CNDP1: variants seen among roughly 807,000 people sequenced by gnomAD.
CNDP1 encodes carnosine dipeptidase 1.
A neutral mutation model predicts 58.1 loss-of-function variants in CNDP1; 44 were observed. That is an observed-to-expected ratio of 0.76 (90% confidence interval 0.60 to 0.97). The LOEUF is 0.97. Among genes scored for constraint, CNDP1 ranks in the 50% least tolerant of loss-of-function variants. The pLI is 0.00. For missense variants in CNDP1, 616 were observed against 655.1 expected (o/e 0.94, Z 0.65); for synonymous variants, 254 against 252.6 (o/e 1.01, Z -0.05).
chr18:74,564,997 T>G (rs968952774), intron 5 of CNDP1, among the ~76,000 whole-genome samples: 1 of 152,198 alleles, frequency 6.6e-6, no homozygotes, highest in Non-Finnish European at 1.5e-5. Flanking sequence ...TTAATTGGAC[T>G]TACAGTTCCA....
intron 1 of CNDP1, among the ~76,000 whole-genome samples, chr18:74,540,627 G>T (rs1000691839): frequency 1.3e-5 from 2 of 152,188 alleles, no homozygotes; most frequent in African/African-American, 4.8e-5. Flanking sequence ...ATGTGTGGGG[G>T]TGTAACCTAC....
chr18:74,559,549 A>G, intron 3 of CNDP1, 77 bp downstream of exon 3: 1 of 1,409,482 alleles, frequency 7.1e-7, no homozygotes, highest in African/African-American at 1.4e-5. Context: ...GTGGCAAGGG[A>G]GAGGCTCACC....
intron 1 of CNDP1, among the ~76,000 whole-genome samples, chr18:74,547,144 G>T (rs1189235395): frequency 1.3e-5 from 2 of 152,156 alleles, no homozygotes; most frequent in South Asian, 4.1e-4. Flanking sequence ...ACCCATTTTT[G>T]TTGTTTGTTT....
chr18:74,584,415 T>C (rs556906589), intron 11 of CNDP1, 81 bp from the exon 12 acceptor site: 8 of 938,834 alleles, frequency 8.5e-6, no homozygotes, highest in African/African-American at 8.1e-5. Context: ...CAAATCTTCC[T>C]GTCTAAATGA....
chr18:74,554,879 T>C (rs1211344166), intron 1 of CNDP1, among the ~76,000 whole-genome samples: 1 of 152,132 alleles, frequency 6.6e-6, no homozygotes. Context: ...AATGACAGAA[T>C]GAAAAGTGAA....
intron 1 of CNDP1, among the ~76,000 whole-genome samples, chr18:74,541,800 C>T (rs145543481): frequency 1.5e-4 from 23 of 152,326 alleles, no homozygotes; most frequent in East Asian, 1.4e-3. Context: ...CTCTTTCAAG[C>T]GGTTACAATC....
At chr18:74,567,855 A>C (rs116487429) in intron 6 of CNDP1, among the ~76,000 whole-genome samples, 318 of 152,340 alleles carry the variant, frequency 2.1e-3, no homozygotes, top group Middle Eastern at 6.8e-3. Flanking sequence ...CCGTGGTCAC[A>C]GGGAAAGAGA....
Position 74,534,539 on chromosome 18 carries a change from C to CCGGGGGACAACGTGGGT in CNDP1, c.-127_-111dup. The CCGGGGGACAACGTGGGT allele has an allele frequency of 1.1e-6, 1 of 939,472 alleles. No individual in the cohort carries two copies. Among genetic ancestry groups the CCGGGGGACAACGTGGGT allele is most frequent in the Admixed American group, 2.0e-5 (1 of 49,406 alleles). The allele number at this position is 939,472 out of a possible 1,614,324, so 58.2% of individuals were successfully genotyped here. A position where few individuals can be genotyped will look rare whatever the true frequency, so the allele number is the denominator to read the frequency against. ...CCACTATACCAGCCTCGTCTTCCTT[C>CCGGGGGACAACGTGGGT]CGGGGGACAACGTGGGTCAGGGCAC... On this transcript the variant is annotated 5_prime_UTR_variant, in exon 1 of 12. Coordinates refer to ENST00000358821, the MANE Select transcript of CNDP1 (RefSeq NM_032649.6).
intron 7 of CNDP1, among the ~76,000 whole-genome samples, chr18:74,572,790 C>CAAAAAAAAAAAAAAAAAAAGAAA (rs1981513303): frequency 1.7e-5 from 1 of 60,068 alleles, no homozygotes; most frequent in Non-Finnish European, 3.0e-5. Flanking sequence ...GACCCTGTAT[C>CAAAAAAAAAAAAAAAAAAAGAAA]AAAAAAAAAA....
At chr18:74,556,498 G>A (rs1177245182) in intron 2 of CNDP1, 32 bp downstream of exon 2, 2 of 1,611,736 alleles carry the variant, frequency 1.2e-6, no homozygotes, top group Admixed American at 3.3e-5. Context: ...ACTACACACA[G>A]AATGCTTGGA....
At position 74,545,265 on chromosome 18, in the gene CNDP1, G is replaced by A. The variant is rs544711831; in HGVS notation, c.24+10574G>A. Among the ~76,000 whole-genome samples, 3 of 152,282 alleles carry A rather than the reference G, an allele frequency of 2.0e-5. No homozygotes were observed. The highest frequency in any genetic ancestry group is 7.2e-5 in the African/African-American group (3 of 41,566). ...CCTTGTTCTCGACTTTACATTTGTT[G>A]GACTTTTGTTCAAAGCCAAAAGGTG... On this transcript the variant is annotated intron_variant, in intron 1 of 11. Coordinates refer to ENST00000358821, the MANE Select transcript of CNDP1 (RefSeq NM_032649.6). This position sits in a 1 kb window ranked among gnomAD's most constrained non-coding sequence, Gnocchi z 4.1.
chr18:74,539,223 G>C (rs1056573675), intron 1 of CNDP1, among the ~76,000 whole-genome samples: 2 of 146,294 alleles, frequency 1.4e-5, no homozygotes, highest in Non-Finnish European at 3.0e-5. Context: ...TGACTAAGGA[G>C]ATCTACACCT....
chr18:74,560,010 C>CTCT (rs527647467), intron 3 of CNDP1, among the ~76,000 whole-genome samples: 2 of 121,326 alleles, frequency 1.6e-5, no homozygotes, highest in Non-Finnish European at 3.3e-5. Context: ...CATCTGCATT[C>CTCT]TTTTTTTTTT....
At chr18:74,548,913 A>C (rs1381433865) in intron 1 of CNDP1, among the ~76,000 whole-genome samples, 2 of 152,222 alleles carry the variant, frequency 1.3e-5, no homozygotes, top group Non-Finnish European at 2.9e-5. Context: ...AAGAGTGATG[A>C]CTTAGGGTAT....
At position 74,567,388 on chromosome 18, in the gene CNDP1, A is replaced by G. The variant is rs760311524; in HGVS notation, c.711A>G (p.Pro237=). Residue 237 remains proline, a synonymous_variant, in exon 6 of 12, where the codon CCA becomes CCG. Coordinates refer to ENST00000358821, the MANE Select transcript of CNDP1 (RefSeq NM_032649.6). ...SDNLWISQRK[P]AITYGTRGNS... ...ACCTGTGGATCAGCCAAAGGAAGCC[A>G]GCAATCACTTACGGAACCCGGGGGA... 15 of 1,614,030 alleles carry G rather than the reference A, an allele frequency of 9.3e-6. No individual in the cohort carries two copies. Among genetic ancestry groups the G allele is most frequent in the Non-Finnish European group, 1.3e-5 (15 of 1,179,980 alleles).
intron 1 of CNDP1, among the ~76,000 whole-genome samples, chr18:74,543,759 G>T (rs1980687745): frequency 6.6e-6 from 1 of 152,106 alleles, no homozygotes; most frequent in Non-Finnish European, 1.5e-5. Flanking sequence ...TAGATCGAAA[G>T]ACTCCAATGT....
rs779883277 is a variant in CNDP1 at position 74,586,718 on chromosome 18, G to T, written c.*2156G>T. On this transcript the variant is annotated 3_prime_UTR_variant, in exon 12 of 12. Transcript: ENST00000358821. The stretch of plus-strand genomic sequence containing the variant: ...ATGTTTTTCTGTCACCCAGGGTCAC[G>T]ACTGGTCTCCCCAGCTCTTCCCTCC... 3 of 152,114 alleles carry T rather than the reference G, an allele frequency of 2.0e-5. No individual in the cohort carries two copies. The highest frequency in any genetic ancestry group is 7.2e-5 in the African/African-American group (3 of 41,398). 9.4% of individuals were successfully genotyped at this position (152,114 alleles called of 1,614,324 possible).
At chr18:74,566,175 G>T (rs1311434102) in intron 5 of CNDP1, among the ~76,000 whole-genome samples, 1 of 152,188 alleles carries the variant, frequency 6.6e-6, no homozygotes, top group African/African-American at 2.4e-5. Flanking sequence ...CAGGGACCCT[G>T]GGCCTGGCCC....
At chr18:74,560,119 A>G (rs1469653903) in intron 3 of CNDP1, among the ~76,000 whole-genome samples, 1 of 149,974 alleles carries the variant, frequency 6.7e-6, no homozygotes, top group Admixed American at 6.8e-5. Context: ...CAGTTCAAGC[A>G]ATTCTCCTGC....
Sources: allele counts gnomAD v4.1 joint callset (sites outside exome capture counted in the v4.1 genomes callset), GRCh38; gene constraint gnomAD v4.1.1; non-coding constraint Gnocchi (gnomAD v3.1); transcripts MANE v1.5; gene names NCBI Gene and HGNC (gene_info 2026-07-23, HGNC 2026-07-21).